The following TOX variants were observed in gnomAD, a reference collection of about 807,000 sequenced individuals.
TOX encodes thymocyte selection associated high mobility group box.
Under a neutral mutation model 53.7 loss-of-function variants are expected in TOX, and 11 were observed. That is an observed-to-expected ratio of 0.20 (90% CI 0.13 to 0.34). The LOEUF is 0.34. TOX is among the 10% of genes least tolerant of loss of function. The pLI is 1.00. For synonymous variants in TOX, 225 were observed against 245.3 expected (o/e 0.92, Z 0.77); for missense variants, 570 against 664.6 (o/e 0.86, Z 1.56).
intron 5 of TOX, among the ~76,000 whole-genome samples, chr8:58,832,616 G>C (rs995885841): frequency 4.6e-5 from 7 of 152,180 alleles, no homozygotes; most frequent in African/African-American, 1.4e-4. Flanking sequence ...TGCCTCATAA[G>C]TATAATTCTG....
Position 59,067,323 on chromosome 8 carries a change from G to A in TOX, c.102+51563C>T, listed in dbSNP as rs530654955. ...AATCCCAGCACTTTGGGAGGTCGAG[G>A]AGGGAGGATCATTTGAGGTCAGGAG... On this transcript the variant is annotated intron_variant, in intron 1 of 8. Transcript: ENST00000361421. Among the ~76,000 whole-genome samples the A allele has an allele frequency of 5.3e-5, 8 of 152,324 alleles. 1 individual carries two copies. The South Asian group carries it at 1.7e-3, about 32-fold the overall frequency.
chr8:58,963,771 T>C (rs554970230), intron 1 of TOX, among the ~76,000 whole-genome samples: 2 of 152,294 alleles, frequency 1.3e-5, no homozygotes, highest in South Asian at 2.1e-4. Context: ...GCAGGTTTTG[T>C]TGGGGGATTG....
At chr8:58,925,597 A>T (rs879659175) in intron 3 of TOX, among the ~76,000 whole-genome samples, 25 of 152,324 alleles carry the variant, frequency 1.6e-4, no homozygotes, top group African/African-American at 6.0e-4. Context: ...GGCGGCAGCT[A>T]AAGTACCCTG....
chr8:59,102,017 G>A (rs1013305507), intron 1 of TOX, among the ~76,000 whole-genome samples: 2 of 152,166 alleles, frequency 1.3e-5, no homozygotes, highest in African/African-American at 4.8e-5. Context: ...GGTAGTGAAA[G>A]GGCATCCATA....
intron 1 of TOX, among the ~76,000 whole-genome samples, chr8:58,993,950 G>T (rs891624453): frequency 1.3e-5 from 2 of 152,032 alleles, no homozygotes; most frequent in Admixed American, 6.5e-5. Context: ...AAGACGTTGT[G>T]AATTGGTCTA....
intron 1 of TOX, among the ~76,000 whole-genome samples, chr8:59,084,449 C>T (rs774260841): frequency 6.6e-6 from 1 of 152,086 alleles, no homozygotes; most frequent in African/African-American, 2.4e-5. Flanking sequence ...TAAAAATACA[C>T]CTATCCATGC....
At chr8:58,927,557 TGAA>T (rs1812185803) in intron 3 of TOX, among the ~76,000 whole-genome samples, 1 of 152,058 alleles carries the variant, frequency 6.6e-6, no homozygotes, top group African/African-American at 2.4e-5. Context: ...ATCGTGGGGA[TGAA>T]GAAGAAAACT....
intron 4 of TOX, among the ~76,000 whole-genome samples, chr8:58,839,672 G>T (rs1810610892): frequency 6.6e-6 from 1 of 152,188 alleles, no homozygotes; most frequent in Admixed American, 6.5e-5. Context: ...ATTTCCACAT[G>T]CCTTGCCCCC....
chr8:59,021,481 A>AAATATAT lies in TOX; in HGVS notation c.103-61474_103-61473insATATATT, dbSNP rs59174995. Among the ~76,000 whole-genome samples the AAATATAT allele has an allele frequency of 7.5e-3, 483 of 64,642 alleles. 6 individuals carry two copies. Among genetic ancestry groups the AAATATAT allele is most frequent in the Non-Finnish European group, 0.011 (352 of 32,156 alleles). The allele number at this position is 64,642 out of a possible 152,430, so 42.4% of individuals were successfully genotyped here. A position where few individuals can be genotyped will look rare whatever the true frequency, so the allele number is the denominator to read the frequency against. On this transcript the variant is annotated intron_variant, in intron 1 of 8. Coordinates refer to ENST00000361421, the MANE Select transcript of TOX (RefSeq NM_014729.3). ...CTACAAGCAAAAAAAAAAAAAAAAA[A>AAATATAT]ATATATATATATATATATGCACATA...
intron 1 of TOX, among the ~76,000 whole-genome samples, chr8:58,979,927 G>A (rs12676605): frequency 0.51 from 77,091 of 152,072 alleles, 21,700 homozygotes; most frequent in Non-Finnish European, 0.62. Context: ...ACTATAGTAA[G>A]CACTCAACAA....
intron 3 of TOX, among the ~76,000 whole-genome samples, chr8:58,904,213 T>C (rs1259013637): frequency 6.6e-6 from 1 of 152,176 alleles, no homozygotes; most frequent in Admixed American, 6.5e-5. Flanking sequence ...ACAAAATGCC[T>C]CTACATTGTG....
chr8:58,994,227 C>T (rs895494598), intron 1 of TOX, among the ~76,000 whole-genome samples: 2 of 151,986 alleles, frequency 1.3e-5, no homozygotes, highest in African/African-American at 4.8e-5. Context: ...AGAGAGGAGA[C>T]GGACTCAGAG....
chr8:58,924,657 A>G (rs1047715233), intron 3 of TOX, among the ~76,000 whole-genome samples: 12 of 152,226 alleles, frequency 7.9e-5, no homozygotes, highest in Non-Finnish European at 1.6e-4. Context: ...TATTTTATGC[A>G]TCATAAAGTT....
intron 3 of TOX, among the ~76,000 whole-genome samples, chr8:58,887,377 T>C (rs1811486510): frequency 6.6e-6 from 1 of 151,932 alleles, no homozygotes; most frequent in Non-Finnish European, 1.5e-5. Flanking sequence ...TTTTTGAGAG[T>C]TTTAAATATT....
At chr8:59,003,266 C>T (rs1417332291) in intron 1 of TOX, among the ~76,000 whole-genome samples, 1 of 152,018 alleles carries the variant, frequency 6.6e-6, no homozygotes, top group African/African-American at 2.4e-5. Flanking sequence ...TGCCTTTTTT[C>T]TATTTAGTTA....
intron 2 of TOX, among the ~76,000 whole-genome samples, chr8:58,953,664 G>A (rs1039317071): frequency 2.0e-5 from 3 of 152,180 alleles, no homozygotes; most frequent in Non-Finnish European, 4.4e-5. Context: ...TAAGATGCCA[G>A]ACTTTGTTGG....
At chr8:58,860,556 G>A (rs989244407) in intron 3 of TOX, among the ~76,000 whole-genome samples, 7 of 152,184 alleles carry the variant, frequency 4.6e-5, no homozygotes, top group Admixed American at 1.3e-4. Flanking sequence ...TGCTGCTCAC[G>A]CTGATGGTTC....
chr8:58,839,175 A>T (rs1810601148), intron 4 of TOX, among the ~76,000 whole-genome samples: 1 of 152,230 alleles, frequency 6.6e-6, no homozygotes, highest in South Asian at 2.1e-4. Context: ...TGTCCAATGG[A>T]ACTTTCTCCA....
intron 5 of TOX, among the ~76,000 whole-genome samples, chr8:58,830,868 G>C (rs1342080346): frequency 6.6e-6 from 1 of 151,950 alleles, no homozygotes. Context: ...AAATGCATAA[G>C]GATTTAGAAT....
Sources: allele counts gnomAD v4.1 joint callset (sites outside exome capture counted in the v4.1 genomes callset), GRCh38; gene constraint gnomAD v4.1.1; transcripts MANE v1.5; gene names NCBI Gene and HGNC (gene_info 2026-07-23, HGNC 2026-07-21).